The following TMEM178A variants were observed in gnomAD, a reference collection of about 807,000 sequenced individuals.
TMEM178A encodes the protein transmembrane protein 178A, also known as transmembrane protein 178.
Under a neutral mutation model 29.1 loss-of-function variants are expected in TMEM178A, and 12 were observed. That is an observed-to-expected ratio of 0.41 (90% CI 0.26 to 0.67). The LOEUF is 0.67. TMEM178A is among the 30% of genes least tolerant of loss of function. TMEM178A has a pLI of 0.29. For synonymous variants in TMEM178A, 210 were observed against 187.2 expected (o/e 1.12, Z -0.99); for missense variants, 366 against 419.1 (o/e 0.87, Z 1.11).
rs1304644758 is a variant in TMEM178A at position 39,672,575 on chromosome 2, G to C, written c.400+6201G>C. Reference sequence around the variant, plus strand: ...CTTGCTCTGTCTGTCACTCAGGCTAGAGCTGAGTGGCACGATCATAGCTCA... The same window carrying C: ...CTTGCTCTGTCTGTCACTCAGGCTACAGCTGAGTGGCACGATCATAGCTCA... On this transcript the variant is annotated intron_variant, in intron 1 of 3. Transcript: ENST00000281961. Among the ~76,000 whole-genome samples, 8 of 152,168 alleles carry C rather than the reference G, an allele frequency of 5.3e-5. No individual in the cohort carries two copies. In the East Asian group the frequency reaches 9.7e-4, roughly 18 times the overall value.
downstream of TMEM178A, among the ~76,000 whole-genome samples, chr2:39,720,255 T>C (rs904971710): frequency 1.3e-5 from 2 of 152,158 alleles, no homozygotes; most frequent in Non-Finnish European, 2.9e-5. Context: ...AGATTTCTTA[T>C]TCGAAATTGA....
chr2:39,703,385 T>C (rs1671879693), intron 1 of TMEM178A, among the ~76,000 whole-genome samples: 1 of 152,176 alleles, frequency 6.6e-6, no homozygotes, highest in African/African-American at 2.4e-5. Context: ...TGTGAGGAGG[T>C]GGAGAGTGTA....
intron 1 of TMEM178A, among the ~76,000 whole-genome samples, chr2:39,682,393 T>TA (rs1670904826): frequency 6.6e-6 from 1 of 151,694 alleles, no homozygotes; most frequent in African/African-American, 2.4e-5. Flanking sequence ...TTTTTTTTTT[T>TA]AAATATTGTG....
Position 39,717,131 on chromosome 2 carries a change from C to G in TMEM178A, c.774C>G (p.Ile258Met). 6.2e-7 allele frequency: 1 copy of G among 1,612,932 alleles called. No individual in the cohort carries two copies. The highest frequency in any genetic ancestry group is 8.5e-7 in the Non-Finnish European group (1 of 1,179,882). ...ADVEHGYSWS[I>M]FCAWCSLGFI... Reference sequence around the variant, plus strand: ...TGGAACATGGTTACAGCTGGTCCATCTTTTGCGCCTGGTGCAGTTTAGGCT... The same window carrying G: ...TGGAACATGGTTACAGCTGGTCCATGTTTTGCGCCTGGTGCAGTTTAGGCT... The change falls in exon 4 of 4, where the codon ATC (isoleucine) becomes ATG (methionine). Residue 258 changes from isoleucine (I) to methionine (M), a missense_variant. By Grantham distance (10) the Ile-to-Met change is conservative. Transcript: ENST00000281961.
At chr2:39,721,271 C>G (rs1672697464), downstream of TMEM178A, among the ~76,000 whole-genome samples, 1 of 152,230 alleles carries the variant, frequency 6.6e-6, no homozygotes, top group South Asian at 2.1e-4. Context: ...ACATATTCCT[C>G]TTAATATGCA....
intron 3 of TMEM178A, among the ~76,000 whole-genome samples, 178 bp from the exon 4 acceptor site, chr2:39,716,832 A>G (rs1187513100): frequency 6.6e-6 from 1 of 152,070 alleles, no homozygotes; most frequent in African/African-American, 2.4e-5. Flanking sequence ...TCTGGCACAC[A>G]GAAGTTTTGC....
chr2:39,702,927 TG>T (rs1671855780), intron 1 of TMEM178A, among the ~76,000 whole-genome samples: 2 of 152,162 alleles, frequency 1.3e-5, no homozygotes, highest in Non-Finnish European at 2.9e-5. Context: ...GCCACCTAGG[TG>T]ATTCTGATGT....
chr2:39,692,418 A>T (rs1671352918), intron 1 of TMEM178A, among the ~76,000 whole-genome samples: 1 of 152,226 alleles, frequency 6.6e-6, no homozygotes, highest in African/African-American at 2.4e-5. Flanking sequence ...ACAGGTATTA[A>T]ATCATCAAGT....
chr2:39,701,191 C>T (rs924240623), intron 1 of TMEM178A, among the ~76,000 whole-genome samples: 3 of 152,078 alleles, frequency 2.0e-5, no homozygotes. Context: ...TCCTTCATTT[C>T]ACCCTGAAGG....
downstream of TMEM178A, among the ~76,000 whole-genome samples, chr2:39,718,201 T>C (rs564941389): frequency 6.6e-6 from 1 of 152,338 alleles, no homozygotes; most frequent in South Asian, 2.1e-4. Context: ...CTTCTTCTCC[T>C]TCTCTTTTTC....
chr2:39,731,365 C>T, the TMEM178A span, among the ~76,000 whole-genome samples: 6 of 152,136 alleles, frequency 3.9e-5, no homozygotes, highest in African/African-American at 1.2e-4. Flanking sequence ...CATGATTCTG[C>T]GGGCTGAGAA....
intron 3 of TMEM178A, among the ~76,000 whole-genome samples, chr2:39,708,903 A>G (rs965392893): frequency 6.6e-6 from 1 of 152,224 alleles, no homozygotes; most frequent in African/African-American, 2.4e-5. Flanking sequence ...AAACTCGTGT[A>G]TTAATGATTA....
intron 1 of TMEM178A, among the ~76,000 whole-genome samples, chr2:39,669,986 T>A (rs1259472875): frequency 6.6e-6 from 1 of 152,238 alleles, no homozygotes; most frequent in Admixed American, 6.5e-5. Flanking sequence ...GACTCTAAAT[T>A]AGTCTTCCTT....
At chr2:39,713,449 G>A (rs1420913566) in intron 3 of TMEM178A, among the ~76,000 whole-genome samples, 2 of 152,140 alleles carry the variant, frequency 1.3e-5, no homozygotes, top group African/African-American at 2.4e-5. Context: ...ACCTCAGAAC[G>A]TGACAGTATT....
intron 1 of TMEM178A, among the ~76,000 whole-genome samples, chr2:39,677,206 G>A (rs1366026523): frequency 6.6e-6 from 1 of 152,058 alleles, no homozygotes; most frequent in Admixed American, 6.5e-5. Context: ...AGAGCTTCAT[G>A]GAGAGCATTT....
intron 3 of TMEM178A, among the ~76,000 whole-genome samples, chr2:39,710,684 GGAGAT>G (rs1339111393): frequency 2.6e-5 from 4 of 152,122 alleles, no homozygotes; most frequent in African/African-American, 9.7e-5. Context: ...ACATGCAGTA[GGAGAT>G]GAGAGCAAAA....
intron 3 of TMEM178A, among the ~76,000 whole-genome samples, chr2:39,709,278 C>T (rs1320203473): frequency 1.3e-5 from 2 of 152,218 alleles, no homozygotes; most frequent in Non-Finnish European, 2.9e-5. Flanking sequence ...ACCCCTATCC[C>T]ACTCCACGAA....
At position 39,701,528 on chromosome 2, in the gene TMEM178A, C is replaced by T. The variant is rs115425305; in HGVS notation, c.401-2553C>T. Among the ~76,000 whole-genome samples the T allele has an allele frequency of 3.5e-3, 530 of 152,118 alleles. 3 individuals carry two copies. The highest frequency in any genetic ancestry group is 0.012 in the African/African-American group (514 of 41,522). On this transcript the variant is annotated intron_variant, in intron 1 of 3. Transcript: ENST00000281961. ...GATTATGATATATCTGGGTGTGGGT[C>T]TCTGAGTTTATCTTATTTGTAGTTC...
intron 1 of TMEM178A, among the ~76,000 whole-genome samples, chr2:39,667,620 G>A (rs905461156): frequency 3.9e-5 from 6 of 152,178 alleles, no homozygotes; most frequent in Non-Finnish European, 7.3e-5. Context: ...TTAATAATGT[G>A]TTGGCCTTCA....
Sources: gnomAD v4.1 joint callset for allele counts (sites outside exome capture counted in the v4.1 genomes callset) on GRCh38, gnomAD v4.1.1 for gene constraint, MANE v1.5 for transcripts, NCBI Gene and HGNC (gene_info 2026-07-23, HGNC 2026-07-21) for gene names.